PTP4A3: variants seen among roughly 807,000 people sequenced by gnomAD.
PTP4A3 encodes the protein protein tyrosine phosphatase 4A3, also known as protein tyrosine phosphatase type IVA 3.
PTP4A3 carries 9 observed loss-of-function variants against 15.2 expected under a neutral mutation model. The observed-to-expected ratio is 0.59, with a 90% confidence interval of 0.36 to 1.03. PTP4A3 has a LOEUF of 1.03. PTP4A3 is among the 50% of genes least tolerant of loss of function. PTP4A3 has a pLI of 0.02. For synonymous variants in PTP4A3, 95 were observed against 102.0 expected (o/e 0.93, Z 0.41); for missense variants, 234 against 252.1 (o/e 0.93, Z 0.49).
At chr8:141,424,509 G>C (rs1438941544) in intron 2 of PTP4A3, among the ~76,000 whole-genome samples, 1 of 152,074 alleles carries the variant, frequency 6.6e-6, no homozygotes, top group African/African-American at 2.4e-5. Flanking sequence ...GCTCAGCTGG[G>C]GTCGCTGTTC....
chr8:141,412,015 G>A lies in PTP4A3; in HGVS notation c.-853-9373G>A, dbSNP rs150235362. On this transcript the variant is annotated intron_variant, in intron 1 of 5. Coordinates refer to ENST00000521578, the MANE Select transcript of PTP4A3 (RefSeq NM_032611.3). ...AGGACTGCTCTGAGGATGGACATGG[G>A]CATTGCCTGTGCTGAGGGCACCACG... 2.1e-3 allele frequency among the ~76,000 whole-genome samples: 322 copies of A among 152,354 alleles called. 2 individuals are homozygous for A. Among genetic ancestry groups the A allele is most frequent in the South Asian group, 8.3e-3 (40 of 4,832 alleles).
chr8:141,426,580 A>G, intron 3 of PTP4A3: 1 of 985,438 alleles, frequency 1.0e-6, no homozygotes, highest in Non-Finnish European at 1.2e-6. Context: ...TGCCACCGGC[A>G]CACAGGCGTG....
intron 1 of PTP4A3, among the ~76,000 whole-genome samples, chr8:141,401,523 C>G (rs976853319): frequency 2.0e-5 from 3 of 152,186 alleles, no homozygotes; most frequent in African/African-American, 7.2e-5. Flanking sequence ...CTGACGGATG[C>G]TGCTGGCTGG....
intron 1 of PTP4A3, among the ~76,000 whole-genome samples, chr8:141,397,245 A>G (rs1832474654): frequency 6.6e-6 from 1 of 152,172 alleles, no homozygotes. Flanking sequence ...CCCTGTGACA[A>G]CAGGACAGGC....
rs141662632 is a variant in PTP4A3 at position 141,406,660 on chromosome 8, A to G, written c.-854+14576A>G. Among the ~76,000 whole-genome samples, 1,460 of 152,270 alleles carry G rather than the reference A, an allele frequency of 9.6e-3. 15 individuals carry two copies. The highest frequency in any genetic ancestry group is 0.026 in the African/African-American group (1,082 of 41,550). On this transcript the variant is annotated intron_variant, in intron 1 of 5. Coordinates refer to ENST00000521578, the MANE Select transcript of PTP4A3 (RefSeq NM_032611.3). The surrounding 1 kb of genome is among the most constrained non-coding windows in gnomAD (Gnocchi z 4.5). ...CCTGCGTGAACTACAGTTTTGGTAG[A>G]GGTGCAAGTGGATTCTGTGTGGCAC...
At chr8:141,429,625 T>C (rs552905255) in intron 5 of PTP4A3, among the ~76,000 whole-genome samples, 21 of 146,982 alleles carry the variant, frequency 1.4e-4, no homozygotes, top group South Asian at 8.7e-4. Flanking sequence ...ACGTCCCCGC[T>C]GTAAGGACCA....
In PTP4A3 at chr8:141,402,948, C is replaced by T. The variant is rs10100907; in HGVS notation, c.-854+10864C>T. ...TTTGTTGGGTGCCTGGCCAGCGGGC[C>T]GGTCCAGAGCAGGAATAGATGTCTC... On this transcript the variant is annotated intron_variant, in intron 1 of 5. Coordinates refer to ENST00000521578, the MANE Select transcript of PTP4A3 (RefSeq NM_032611.3). Among the ~76,000 whole-genome samples the T allele has an allele frequency of 8.9e-3, 1,362 of 152,234 alleles. 15 individuals carry two copies. The highest frequency in any genetic ancestry group is 0.03 in the African/African-American group (1,231 of 41,544).
intron 1 of PTP4A3, among the ~76,000 whole-genome samples, chr8:141,392,804 AGGGAAGCCCTTTATGAGG>A (rs915281379): frequency 1.3e-5 from 2 of 152,154 alleles, no homozygotes; most frequent in African/African-American, 4.8e-5. Context: ...CGGTTCCCGG[AGGGAAGCCCTTTATGAGG>A]GAGGCTTCCC....
chr8:141,403,345 G>T (rs989158274), intron 1 of PTP4A3, among the ~76,000 whole-genome samples: 3 of 152,196 alleles, frequency 2.0e-5, no homozygotes, highest in Non-Finnish European at 4.4e-5. Context: ...TGGGATTCTG[G>T]GGGAGGCTCT....
chr8:141,402,293 C>T (rs1182225161), intron 1 of PTP4A3, among the ~76,000 whole-genome samples: 1 of 152,190 alleles, frequency 6.6e-6, no homozygotes, highest in African/African-American at 2.4e-5. Flanking sequence ...CCACCACCTC[C>T]TCCAGCCCTC....
At chr8:141,420,539 G>A (rs772539407) in intron 1 of PTP4A3, among the ~76,000 whole-genome samples, 1 of 152,152 alleles carries the variant, frequency 6.6e-6, no homozygotes. Context: ...CCCCCCTGCC[G>A]CCTCCCCTCT....
chr8:141,398,273 T>C (rs1832500987), intron 1 of PTP4A3, among the ~76,000 whole-genome samples: 1 of 152,076 alleles, frequency 6.6e-6, no homozygotes, highest in African/African-American at 2.4e-5. Flanking sequence ...AATAAGAGGC[T>C]GGACCATTTG....
At chr8:141,414,296 CCT>C (rs1275738075) in intron 1 of PTP4A3, among the ~76,000 whole-genome samples, 6 of 152,178 alleles carry the variant, frequency 3.9e-5, no homozygotes, top group Admixed American at 2.6e-4. Context: ...ACAATAATCC[CCT>C]GAGATTTGTA....
chr8:141,420,293 G>T (rs1007168045), intron 1 of PTP4A3, among the ~76,000 whole-genome samples: 2 of 152,174 alleles, frequency 1.3e-5, no homozygotes, highest in Non-Finnish European at 1.5e-5. Context: ...GCCAGGGCCA[G>T]CAGTGCGGGG....
chr8:141,418,470 G>C (rs573693792), intron 1 of PTP4A3, among the ~76,000 whole-genome samples: 3 of 152,218 alleles, frequency 2.0e-5, no homozygotes, highest in Non-Finnish European at 4.4e-5. Flanking sequence ...CCCTGGTGGA[G>C]AATGTTCTCC....
intron 1 of PTP4A3, among the ~76,000 whole-genome samples, chr8:141,415,330 G>A (rs1832995649): frequency 1.3e-5 from 2 of 151,846 alleles, no homozygotes; most frequent in Admixed American, 1.3e-4. Context: ...CAACTACAGG[G>A]CCTGGGTCTC....
At chr8:141,430,887 G>C in intron 5 of PTP4A3, 40 bp from the exon 6 acceptor site, 1 of 1,602,270 alleles carries the variant, frequency 6.2e-7, no homozygotes, top group Non-Finnish European at 8.5e-7. Flanking sequence ...GGCCGAGCCA[G>C]GTCCTTGGAT....
intron 2 of PTP4A3, among the ~76,000 whole-genome samples, chr8:141,423,024 C>T (rs949828206): frequency 6.6e-6 from 1 of 152,240 alleles, no homozygotes; most frequent in Non-Finnish European, 1.5e-5. Context: ...GCAGCGTCTG[C>T]AGTTGTGTGC....
chr8:141,422,855 G>A (rs1320428200), intron 2 of PTP4A3, among the ~76,000 whole-genome samples: 1 of 152,212 alleles, frequency 6.6e-6, no homozygotes, highest in Non-Finnish European at 1.5e-5. Context: ...GTGCCCTGGA[G>A]AGGCAGCAGA....
Sources: gnomAD v4.1 joint callset for allele counts (sites outside exome capture counted in the v4.1 genomes callset) on GRCh38, gnomAD v4.1.1 for gene constraint, Gnocchi (gnomAD v3.1) non-coding constraint, MANE v1.5 for transcripts, NCBI Gene and HGNC (gene_info 2026-07-23, HGNC 2026-07-21) for gene names.